Variants in HUWE1 observed in about 807,000 individuals in gnomAD.
HUWE1 encodes the protein E3 ubiquitin-protein ligase HUWE1.
In HUWE1, 18 loss-of-function variants were observed where a neutral mutation model predicts 299.4. The ratio of observed to expected loss-of-function variants is 0.06; its 90% confidence interval spans 0.04 to 0.09. The LOEUF (loss-of-function observed/expected upper bound fraction) is 0.09. HUWE1 is among the 10% of genes least tolerant of loss of function. The probability of loss-of-function intolerance (pLI) is 1.00; values close to 1 mark genes in which losing one functional copy is unlikely to be tolerated. For synonymous variants in HUWE1, 1,317 were observed against 1,286.1 expected, an observed-to-expected ratio of 1.02 and a Z score of -0.51; for missense variants, 1,832 against 3,462.3, an observed-to-expected ratio of 0.53 and a Z score of 11.82.
At chrX:53,621,175 A>G in intron 19 of HUWE1, among the ~76,000 whole-genome samples, 1 of 111,434 alleles carries the variant, frequency 9.0e-6, no homozygotes, top group Non-Finnish European at 1.9e-5. Flanking sequence ...TGATTCCCAT[A>G]ATAAACTGGC....
chrX:53,576,827 G>C, intron 44 of HUWE1, 73 bp downstream of exon 44: 1 of 1,075,162 alleles, frequency 9.3e-7, no homozygotes, highest in Non-Finnish European at 1.3e-6. Flanking sequence ...TAAGCCATGA[G>C]TTGGCTGAAA....
chrX:53,665,283 T>C (rs2069192173), intron 3 of HUWE1, among the ~76,000 whole-genome samples: 1 of 111,872 alleles, frequency 8.9e-6, no homozygotes, highest in South Asian at 3.7e-4. Context: ...AACTGAAAAA[T>C]AGCCTTTACT....
At chrX:53,573,272 T>G (rs1347058297) in intron 47 of HUWE1, among the ~76,000 whole-genome samples, 12 of 111,513 alleles carry the variant, frequency 1.1e-4, no homozygotes, top group African/African-American at 3.6e-4. Context: ...AGTTTTGCTC[T>G]TATCACCCAG....
Position 53,585,004 on chromosome X carries a change from G to C in HUWE1, c.5001+8C>G. On this transcript the variant is annotated splice_region_variant and intron_variant, in intron 40 of 83. Coordinates refer to ENST00000262854, the MANE Select transcript of HUWE1 (RefSeq NM_031407.7). Reference sequence around the variant, plus strand: ...CGGGTTAGACAAGCTTGGTGAGTGAGCATGTACCTGCACCATTGTAGTGAA... The same window carrying C: ...CGGGTTAGACAAGCTTGGTGAGTGACCATGTACCTGCACCATTGTAGTGAA... The C allele has an allele frequency of 8.3e-7, 1 of 1,211,303 alleles. No homozygotes were observed.
chrX:53,533,393 C>G lies in HUWE1; in HGVS notation c.13041G>C (p.Leu4347=), dbSNP rs1556908405. 1 of 1,197,467 alleles carries G rather than the reference C, an allele frequency of 8.4e-7. No individual in the cohort carries two copies. The highest frequency in any genetic ancestry group is 1.1e-6 in the Non-Finnish European group (1 of 883,746). The change falls in exon 84 of 84, where the codon CTG becomes CTC. Residue 4347 remains leucine, a synonymous_variant. Transcript: ENST00000262854. ...GCTTCTCAAAGCTCTCATAGGCAGG[C>G]AGATCCAGCTGATTAAAACTAAGGA... is the stretch of plus-strand genomic sequence containing the variant. ...SAHTCFNQLD[L]PAYESFEKLR...
intron 71 of HUWE1, 115 bp from the exon 72 acceptor site, chrX:53,544,877 T>TC: frequency 1.1e-6 from 1 of 915,103 alleles, no homozygotes; most frequent in Middle Eastern, 2.7e-4. Context: ...AAGGAAATCT[T>TC]CCAAGTAGGA....
Position 53,536,207 on chromosome X carries a change from C to G in HUWE1, c.12471G>C (p.Leu4157=). 8.3e-7 allele frequency: 1 copy of G among 1,203,113 alleles called. No homozygotes were observed. The highest frequency in any genetic ancestry group is 1.1e-6 in the Non-Finnish European group (1 of 888,146). ...AGACATCATTTTCCAGCAGATAAAC[C>G]AGACCTTGGTAGAAGTGGTAATCTT... The part of the protein sequence containing the change: ...ESEDYHFYQG[L]VYLLENDVST... Residue 4157 remains leucine (L), a synonymous_variant, in exon 80 of 84, where the codon CTG becomes CTC. Transcript: ENST00000262854.
intron 3 of HUWE1, among the ~76,000 whole-genome samples, chrX:53,678,793 C>G (rs1458858563): frequency 1.8e-5 from 2 of 111,337 alleles, no homozygotes; most frequent in Non-Finnish European, 3.8e-5. Flanking sequence ...ACTAAATCAC[C>G]TAAGGAAATT....
At chrX:53,580,694 ACAAT>A in intron 43 of HUWE1, 133 bp downstream of exon 43, 1 of 595,159 alleles carries the variant, frequency 1.7e-6, no homozygotes. Context: ...ATTGACCCAA[ACAAT>A]CAATTAGCCA....
intron 49 of HUWE1, among the ~76,000 whole-genome samples, chrX:53,567,155 A>G (rs905438029): frequency 1.8e-5 from 2 of 112,222 alleles, no homozygotes; most frequent in African/African-American, 6.5e-5. Flanking sequence ...ACTTAGAGGT[A>G]AAGTTTTACA....
Position 53,548,031 on chromosome X carries a change from G to A in HUWE1, c.10278C>T (p.Leu3426=), listed in dbSNP as rs146554767. The A allele has an allele frequency of 1.4e-3, 1,639 of 1,209,187 alleles. 13 individuals carry two copies. In the African/African-American group the frequency reaches 0.025, roughly 19 times the overall value. The change falls in exon 68 of 84, where the codon CTC becomes CTT. Residue 3426 remains leucine (L), a synonymous_variant. Transcript: ENST00000262854. ...GGEGETSPYS[L]EASPLGQLMN... ...TGAGCTGCCCCAGTGGAGAGGCCTC[G>A]AGGCTGTATGGAGAGGTTTCCCCCT...
intron 55 of HUWE1, 80 bp downstream of exon 55, chrX:53,561,676 T>C: frequency 8.4e-7 from 1 of 1,195,739 alleles, no homozygotes; most frequent in South Asian, 1.8e-5. Context: ...ATCGGATCGG[T>C]TTGGTCCACT....
At chrX:53,563,669 C>A in intron 52 of HUWE1, 77 bp downstream of exon 52, 2 of 1,085,806 alleles carry the variant, frequency 1.8e-6, no homozygotes, top group Non-Finnish European at 2.5e-6. Context: ...GCTGAGCAAG[C>A]AGATGATGAG....
intron 13 of HUWE1, among the ~76,000 whole-genome samples, chrX:53,629,160 T>C (rs1486138174): frequency 3.6e-5 from 4 of 111,180 alleles, no homozygotes; most frequent in Non-Finnish European, 7.5e-5. Context: ...AAGCCTGATA[T>C]ACAGAGAACA....
intron 17 of HUWE1, chrX:53,625,814 GCCAGGGCCGGGA>G (rs1569497941): frequency 8.0e-6 from 1 of 125,297 alleles, no homozygotes; most frequent in Non-Finnish European, 1.8e-5. Context: ...CAGGGCCGGG[GCCAGGGCCGGGA>G]CCAGGACCGG....
intron 76 of HUWE1, 117 bp from the exon 77 acceptor site, chrX:53,538,571 G>A: frequency 1.7e-6 from 1 of 598,807 alleles, no homozygotes; most frequent in Non-Finnish European, 2.8e-6. Context: ...GGCTCTAAAA[G>A]GACTAGTCAA....
intron 3 of HUWE1, among the ~76,000 whole-genome samples, chrX:53,673,217 T>A (rs2069646134): frequency 9.0e-6 from 1 of 111,496 alleles, no homozygotes; most frequent in Non-Finnish European, 1.9e-5. Context: ...AGTAGAAAAA[T>A]TCAAGCAATT....
In HUWE1 at chrX:53,588,375, A is replaced by G. The variant is rs1556975205; in HGVS notation, c.4614+7T>C. ...GAATTACAAGGCCCCAAAGATCTAA[A>G]TCTTACCTCAAAAAGTAGCGTTAAA... On this transcript the variant is annotated splice_region_variant and intron_variant, in intron 37 of 83. Coordinates refer to ENST00000262854, the MANE Select transcript of HUWE1 (RefSeq NM_031407.7). The G allele has an allele frequency of 8.3e-7, 1 of 1,207,355 alleles. No homozygotes were observed. Among genetic ancestry groups the G allele is most frequent in the Admixed American group, 2.2e-5 (1 of 45,930 alleles).
At chrX:53,663,587 G>A (rs1557046409) in intron 3 of HUWE1, among the ~76,000 whole-genome samples, 2 of 111,340 alleles carry the variant, frequency 1.8e-5, no homozygotes, top group South Asian at 7.7e-4. Flanking sequence ...AGAGGAAAAG[G>A]TAAATAAAGA....
Sources: allele counts gnomAD v4.1 joint callset (sites outside exome capture counted in the v4.1 genomes callset), GRCh38; gene constraint gnomAD v4.1.1; transcripts MANE v1.5; gene names NCBI Gene and HGNC (gene_info 2026-07-23, HGNC 2026-07-21).